Variants in PLA2G4A observed in about 807,000 individuals in gnomAD.
PLA2G4A encodes phospholipase A2 group IVA.
Under a neutral mutation model 81.9 loss-of-function variants are expected in PLA2G4A, and 40 were observed. The ratio of observed to expected loss-of-function variants is 0.49; its 90% CI spans 0.38 to 0.64. PLA2G4A has a LOEUF of 0.64. PLA2G4A is among the 30% of genes least tolerant of loss of function. The pLI is 0.00. For missense variants in PLA2G4A, 715 were observed against 905.1 expected (o/e 0.79, Z 2.69); for synonymous variants, 302 against 296.9 (o/e 1.02, Z -0.18).
chr1:186,867,512 T>C (rs1653075336), intron 2 of PLA2G4A, among the ~76,000 whole-genome samples: 1 of 151,042 alleles, frequency 6.6e-6, no homozygotes, highest in African/African-American at 2.4e-5. Context: ...CATTTCTGTA[T>C]ATAGAAAAGC....
chr1:186,962,825 T>C (rs1657007357), intron 14 of PLA2G4A, among the ~76,000 whole-genome samples: 1 of 12,346 alleles, frequency 8.1e-5, no homozygotes, highest in Non-Finnish European at 1.3e-4. Context: ...CCGGTCACTT[T>C]GTGTTATTAT....
chr1:186,970,876 C>G (rs755456096), intron 15 of PLA2G4A, among the ~76,000 whole-genome samples: 3 of 150,788 alleles, frequency 2.0e-5, no homozygotes, highest in Non-Finnish European at 4.4e-5. Context: ...CTCAGGATTG[C>G]TTTGGTTATT....
At chr1:186,864,019 C>T (rs986736477) in intron 2 of PLA2G4A, among the ~76,000 whole-genome samples, 21 of 36,182 alleles carry the variant, frequency 5.8e-4, no homozygotes, top group African/African-American at 2.0e-3. Context: ...TCCTCGGCCT[C>T]CCTCCCAAAG....
At chr1:186,852,144 G>T (rs940014351) in intron 1 of PLA2G4A, among the ~76,000 whole-genome samples, 1 of 151,976 alleles carries the variant, frequency 6.6e-6, no homozygotes, top group South Asian at 2.1e-4. Flanking sequence ...CACAGGGACT[G>T]GAAATTTCAC....
intron 7 of PLA2G4A, among the ~76,000 whole-genome samples, chr1:186,914,951 G>A (rs948661423): frequency 3.3e-5 from 5 of 152,152 alleles, no homozygotes; most frequent in Non-Finnish European, 7.4e-5. Flanking sequence ...TTGTGCTGAA[G>A]CATTTTGGTG....
At chr1:186,863,763 T>G (rs1219505367) in intron 2 of PLA2G4A, among the ~76,000 whole-genome samples, 8 of 142,546 alleles carry the variant, frequency 5.6e-5, no homozygotes, top group Non-Finnish European at 9.2e-5. Context: ...AATATATAAT[T>G]TTTTTTTTTT....
chr1:186,852,025 A>G (rs1652391713), intron 1 of PLA2G4A, among the ~76,000 whole-genome samples: 1 of 151,962 alleles, frequency 6.6e-6, no homozygotes, highest in Non-Finnish European at 1.5e-5. Context: ...ACTTGAGCAA[A>G]ATGCTTTAGT....
intron 12 of PLA2G4A, among the ~76,000 whole-genome samples, chr1:186,949,105 C>A (rs1307588838): frequency 3.9e-5 from 6 of 152,060 alleles, no homozygotes; most frequent in Admixed American, 3.3e-4. Flanking sequence ...AAAATTTACA[C>A]TTTTGAGAGA....
intron 14 of PLA2G4A, among the ~76,000 whole-genome samples, chr1:186,957,882 T>G (rs2102260322): frequency 6.6e-6 from 1 of 152,368 alleles, no homozygotes; most frequent in East Asian, 1.9e-4. Flanking sequence ...ATCTTTTCCT[T>G]AACGTCCAAA....
intron 5 of PLA2G4A, among the ~76,000 whole-genome samples, 186 bp downstream of exon 5, chr1:186,894,397 A>T (rs1286173214): frequency 6.6e-6 from 1 of 152,062 alleles, no homozygotes; most frequent in East Asian, 1.9e-4. Context: ...GACATCTATA[A>T]ACTTTGGTTG....
chr1:186,980,461 G>GT (rs1478332208), intron 17 of PLA2G4A, among the ~76,000 whole-genome samples: 1 of 152,148 alleles, frequency 6.6e-6, no homozygotes, highest in Non-Finnish European at 1.5e-5. Context: ...ATGATTATCA[G>GT]TTGTAAAAGC....
At chr1:186,879,118 A>G (rs1653632061) in intron 3 of PLA2G4A, among the ~76,000 whole-genome samples, 1 of 151,906 alleles carries the variant, frequency 6.6e-6, no homozygotes, top group South Asian at 2.1e-4. Context: ...GGTCTCTGTA[A>G]ATTTTACTGG....
intron 3 of PLA2G4A, among the ~76,000 whole-genome samples, chr1:186,881,536 T>A (rs6678825): frequency 0.036 from 5,510 of 152,190 alleles, 338 homozygotes; most frequent in African/African-American, 0.13. Flanking sequence ...TTTTGATCTC[T>A]TTCTGGAGGG....
chr1:186,935,398 A>C (rs971473446), intron 8 of PLA2G4A, among the ~76,000 whole-genome samples: 2 of 76,990 alleles, frequency 2.6e-5, no homozygotes, highest in Admixed American at 3.4e-4. Context: ...GGGCCCAGGG[A>C]AGGGTTTTTA....
chr1:186,849,268 AAT>A (rs1652292737), intron 1 of PLA2G4A, among the ~76,000 whole-genome samples: 1 of 152,128 alleles, frequency 6.6e-6, no homozygotes, highest in Non-Finnish European at 1.5e-5. Context: ...TGTCTCTATT[AAT>A]AAGATAAATA....
intron 3 of PLA2G4A, among the ~76,000 whole-genome samples, chr1:186,882,557 C>T (rs929536229): frequency 6.6e-6 from 1 of 152,034 alleles, no homozygotes; most frequent in Non-Finnish European, 1.5e-5. Flanking sequence ...GAGTGATATT[C>T]CAGTGAATGG....
Position 186,946,698 on chromosome 1 carries a change from C to T in PLA2G4A, c.1095C>T (p.Pro365=), listed in dbSNP as rs763504723. 7 of 1,610,720 alleles carry T rather than the reference C, an allele frequency of 4.3e-6. No homozygotes were observed. The highest frequency in any genetic ancestry group is 2.2e-5 in the East Asian group (1 of 44,840). Residue 365 remains proline, a synonymous_variant, in exon 11 of 18, where the codon CCC becomes CCT. Coordinates refer to ENST00000367466, the MANE Select transcript of PLA2G4A (RefSeq NM_024420.3). The part of the protein sequence containing the change: ...GMAKYGTFMA[P]DLFGSKFFMG... ...CTAAATATGGTACTTTTATGGCTCCCGACTTATTTGGAAGCAAATTTTTTA... is the reference window on the plus strand; with the variant it reads ...CTAAATATGGTACTTTTATGGCTCCTGACTTATTTGGAAGCAAATTTTTTA...
chr1:186,841,199 A>G (rs1027415849), intron 1 of PLA2G4A, among the ~76,000 whole-genome samples: 1 of 152,164 alleles, frequency 6.6e-6, no homozygotes, highest in Admixed American at 6.5e-5. Context: ...TAAACAATTT[A>G]TAACTATGAT....
At chr1:186,988,247 G>C in intron 17 of PLA2G4A, 130 bp from the exon 18 acceptor site, 1 of 666,154 alleles carries the variant, frequency 1.5e-6, no homozygotes, top group African/African-American at 1.8e-5. Flanking sequence ...TGCATGACTC[G>C]TAGATTTCTA....
Sources: gnomAD v4.1 joint callset for allele counts (sites outside exome capture counted in the v4.1 genomes callset) on GRCh38, gnomAD v4.1.1 for gene constraint, MANE v1.5 for transcripts, NCBI Gene and HGNC (gene_info 2026-07-23, HGNC 2026-07-21) for gene names.